CEACAM5: variants seen among roughly 807,000 people sequenced by gnomAD.
CEACAM5 encodes the protein CEA cell adhesion molecule 5.
A neutral mutation model predicts 63.0 loss-of-function variants in CEACAM5; 52 were observed. That is an observed-to-expected ratio of 0.83 (90% CI 0.66 to 1.04). CEACAM5 has a LOEUF of 1.04. Ranked by LOEUF, CEACAM5 falls within the 50% of genes least tolerant of loss-of-function variation. CEACAM5 has a pLI of 0.00. For missense variants in CEACAM5, 790 were observed against 864.8 expected (o/e 0.91, Z 1.08); for synonymous variants, 357 against 351.3 (o/e 1.02, Z -0.18).
chr19:41,715,211 G>C lies in CEACAM5; in HGVS notation c.665G>C (p.Ser222Thr). The C allele has an allele frequency of 6.2e-7, 1 of 1,614,240 alleles. No homozygotes were observed. The highest frequency in any genetic ancestry group is 2.2e-5 in the East Asian group (1 of 44,892). The change falls in exon 3 of 10, where the codon AGT (serine) becomes ACT (threonine). Residue 222 changes from serine (S) to threonine (T), a missense_variant. Ser to Thr is a moderately conservative substitution (Grantham distance 58, BLOSUM62 1). Transcript: ENST00000221992. ...SYKCETQNPV[S>T]ARRSDSVILN... ...AAATGTGAAACCCAGAACCCAGTGA[G>C]TGCCAGGCGCAGTGATTCAGTCATC...
At chr19:41,716,755 T>C (rs186669433) in intron 4 of CEACAM5, among the ~76,000 whole-genome samples, 2 of 152,298 alleles carry the variant, frequency 1.3e-5, no homozygotes, top group African/African-American at 2.4e-5. Context: ...ACAGTACATA[T>C]CTAACACAAA....
At chr19:41,724,934 T>G (rs2122838792) in intron 8 of CEACAM5, among the ~76,000 whole-genome samples, 1 of 152,316 alleles carries the variant, frequency 6.6e-6, no homozygotes, top group Admixed American at 6.5e-5. Context: ...TTCTTTCCAA[T>G]TTGGATGTCT....
rs554620558 is a variant in CEACAM5 at position 41,709,358 on chromosome 19, G to A, written c.65-322G>A. ...GAAAGGTCAGAAAAGGAAGACCCAG[G>A]GTCTCTAGAGGAGGTGTCAGGGAAG... is the stretch of plus-strand genomic sequence containing the variant. On this transcript the variant is annotated intron_variant, in intron 1 of 9. Transcript: ENST00000221992. 2.0e-5 allele frequency among the ~76,000 whole-genome samples: 3 copies of A among 152,280 alleles called. No homozygotes were observed. In the South Asian group the frequency reaches 6.2e-4, roughly 32 times the overall value.
intron 2 of CEACAM5, among the ~76,000 whole-genome samples, chr19:41,711,396 G>A (rs140989114): frequency 5.9e-5 from 9 of 152,158 alleles, no homozygotes; most frequent in South Asian, 2.1e-4. Flanking sequence ...TGAGACACAC[G>A]CTTGCTCAGT....
At chr19:41,720,452 T>C (rs2072600842) in intron 7 of CEACAM5, among the ~76,000 whole-genome samples, 1 of 151,292 alleles carries the variant, frequency 6.6e-6, no homozygotes, top group Admixed American at 6.6e-5. Flanking sequence ...GAGAAACAGA[T>C]GAACGTCTCA....
intron 3 of CEACAM5, 184 bp from the exon 4 acceptor site, chr19:41,715,466 C>T (rs527638324): frequency 8.0e-6 from 9 of 1,118,012 alleles, no homozygotes; most frequent in East Asian, 7.5e-5. Context: ...GGCTCAGGGT[C>T]CACACCCTAT....
chr19:41,713,291 G>A (rs942993144), intron 2 of CEACAM5, among the ~76,000 whole-genome samples: 10 of 151,598 alleles, frequency 6.6e-5, no homozygotes, highest in South Asian at 4.2e-4. Context: ...GCAACAGAGC[G>A]AGACTCCATC....
At chr19:41,718,092 T>A (rs782014136) in intron 5 of CEACAM5, 36 bp from the exon 6 acceptor site, 10 of 1,610,196 alleles carry the variant, frequency 6.2e-6, no homozygotes, top group Non-Finnish European at 8.5e-6. Flanking sequence ...TTTGCTCTGA[T>A]GACATTCACC....
rs372037041 is a variant in CEACAM5, at chr19:41,722,891, TTTTG to T, written c.2026+1743_2026+1746del. On this transcript the variant is annotated intron_variant, in intron 8 of 9. Coordinates refer to ENST00000221992, the MANE Select transcript of CEACAM5 (RefSeq NM_004363.6). ...TGGTAGATCAAATGTTAATTCTTTT[TTTTG>T]TTTGTTTGTTTGTTTGTTTGTTTGT... Among the ~76,000 whole-genome samples, 1,152 of 151,830 alleles carry T rather than the reference TTTTG, an allele frequency of 7.6e-3. 11 individuals carry two copies. Among genetic ancestry groups the T allele is most frequent in the African/African-American group, 0.025 (1,035 of 41,224 alleles).
rs1555814817 is a variant in CEACAM5 at position 41,715,438 on chromosome 19, G to A, written c.703+189G>A. 3 of 1,129,026 alleles carry A rather than the reference G, an allele frequency of 2.7e-6. No homozygotes were observed. The South Asian group carries it at 3.9e-5, about 15-fold the overall frequency. 69.9% of individuals were successfully genotyped at this position (1,129,026 alleles called of 1,614,324 possible). Reference sequence around the variant, plus strand: ...CTTGACCAAGAATAGGAGGGGAGGGGCTGCTTCTGTCCTGGGAGGCTCAGG... The same window carrying A: ...CTTGACCAAGAATAGGAGGGGAGGGACTGCTTCTGTCCTGGGAGGCTCAGG... On this transcript the variant is annotated intron_variant, in intron 3 of 9. Coordinates refer to ENST00000221992, the MANE Select transcript of CEACAM5 (RefSeq NM_004363.6).
At chr19:41,718,616 T>G (rs1343768044) in intron 6 of CEACAM5, among the ~76,000 whole-genome samples, 1 of 152,180 alleles carries the variant, frequency 6.6e-6, no homozygotes, top group Non-Finnish European at 1.5e-5. Flanking sequence ...GGGGTCTTCA[T>G]CAGCCCTGAG....
rs782757828 is a variant in CEACAM5, at chr19:41,709,656, C to T, written c.65-24C>T. Reference sequence around the variant, plus strand: ...CCTAATGCATAGGTCCCAATATTGACCGATGCTCTCTGCTCTCTCCTAGCC... The same window carrying T: ...CCTAATGCATAGGTCCCAATATTGATCGATGCTCTCTGCTCTCTCCTAGCC... On this transcript the variant is annotated intron_variant, in intron 1 of 9. Transcript: ENST00000221992. The T allele has an allele frequency of 8.7e-6, 14 of 1,602,308 alleles. No individual in the cohort carries two copies. The Admixed American group carries it at 1.7e-4, about 19-fold the overall frequency.
chr19:41,714,913 T>C, intron 2 of CEACAM5, 58 bp from the exon 3 acceptor site: 3 of 1,609,422 alleles, frequency 1.9e-6, no homozygotes, highest in Middle Eastern at 3.4e-4. Flanking sequence ...GATTGAAAGA[T>C]GCCTGTGAGG....
rs781969946 is a variant in CEACAM5, at chr19:41,718,162, C to T, written c.1272C>T (p.Tyr424=). The T allele has an allele frequency of 1.2e-6, 2 of 1,614,210 alleles. No individual in the cohort carries two copies. Among genetic ancestry groups the T allele is most frequent in the Non-Finnish European group, 1.7e-6 (2 of 1,180,030 alleles). Residue 424 remains tyrosine (Y), a synonymous_variant, in exon 6 of 10, where the codon TAC becomes TAT. Coordinates refer to ENST00000221992, the MANE Select transcript of CEACAM5 (RefSeq NM_004363.6). The stretch of plus-strand genomic sequence containing the variant: ...ACGACCCCACCATTTCCCCCTCATA[C>T]ACCTATTACCGTCCAGGGGTGAACC... The part of the protein sequence containing the change: ...GPDDPTISPS[Y]TYYRPGVNLS...
chr19:41,711,806 C>T (rs1196371880), intron 2 of CEACAM5, among the ~76,000 whole-genome samples: 1 of 152,168 alleles, frequency 6.6e-6, no homozygotes, highest in Non-Finnish European at 1.5e-5. Context: ...CACTCTTAGG[C>T]CTTCCCCAGA....
At chr19:41,714,077 T>C (rs1240974181) in intron 2 of CEACAM5, among the ~76,000 whole-genome samples, 1 of 151,972 alleles carries the variant, frequency 6.6e-6, no homozygotes, top group African/African-American at 2.4e-5. Context: ...TAGCTGGGTG[T>C]GGTGGTGGGC....
At chr19:41,711,222 G>A (rs761529332) in intron 2 of CEACAM5, among the ~76,000 whole-genome samples, 2 of 152,192 alleles carry the variant, frequency 1.3e-5, no homozygotes, top group Non-Finnish European at 2.9e-5. Flanking sequence ...AACAGTCAGG[G>A]TCAGTGCCGG....
At position 41,714,130 on chromosome 19, in the gene CEACAM5, G is replaced by A. The variant is rs555290447; in HGVS notation, c.425-841G>A. On this transcript the variant is annotated intron_variant, in intron 2 of 9. Transcript: ENST00000221992. Reference sequence around the variant, plus strand: ...CTCGGGAGGCTGAGACAGGAGAATCGCTTGAACCCGGGAGGCAGAGGTTGC... The same window carrying A: ...CTCGGGAGGCTGAGACAGGAGAATCACTTGAACCCGGGAGGCAGAGGTTGC... Among the ~76,000 whole-genome samples the A allele has an allele frequency of 4.6e-4, 70 of 152,226 alleles. 1 individual carries two copies. Among genetic ancestry groups the A allele is most frequent in the Admixed American group, 4.1e-3 (63 of 15,288 alleles).
chr19:41,721,189 C>G lies in CEACAM5; in HGVS notation c.2026+13C>G. On this transcript the variant is annotated intron_variant, in intron 8 of 9. Coordinates refer to ENST00000221992, the MANE Select transcript of CEACAM5 (RefSeq NM_004363.6). ...ATCACAGTCTCTGGTAAGTGGCTCC[C>G]TGGAGCATCAGCATCATATTCTGGG... 6.2e-7 allele frequency: 1 copy of G among 1,613,796 alleles called. No homozygotes were observed. The highest frequency in any genetic ancestry group is 8.5e-7 in the Non-Finnish European group (1 of 1,179,712).
Sources: gnomAD v4.1 joint callset for allele counts (sites outside exome capture counted in the v4.1 genomes callset) on GRCh38, gnomAD v4.1.1 for gene constraint, MANE v1.5 for transcripts, NCBI Gene and HGNC (gene_info 2026-07-23, HGNC 2026-07-21) for gene names.